Variants in ILRUN observed in about 807,000 individuals in gnomAD.
The protein encoded by ILRUN is inflammation and lipid regulator with UBA-like and NBR1-like domains, also known as protein ILRUN.
In ILRUN, 3 loss-of-function variants were observed where a neutral mutation model predicts 33.8. That is an observed-to-expected ratio of 0.09 (90% CI 0.04 to 0.23). ILRUN has a LOEUF of 0.23. Ranked by LOEUF, ILRUN falls within the 10% of genes least tolerant of loss-of-function variation. ILRUN has a pLI of 1.00. For synonymous variants in ILRUN, 124 were observed against 138.9 expected, an observed-to-expected ratio of 0.89 and a Z score of 0.75; for missense variants, 210 against 375.1, an observed-to-expected ratio of 0.56 and a Z score of 3.64.
chr6:34,662,785 C>G (rs73413811), intron 1 of ILRUN, among the ~76,000 whole-genome samples: 5,354 of 152,216 alleles, frequency 0.035, 262 homozygotes, highest in African/African-American at 0.1. Flanking sequence ...ACTTAAAAAT[C>G]GGTAAGATGG....
Position 34,646,466 on chromosome 6 carries a change from T to C in ILRUN, c.511+135A>G, listed in dbSNP as rs1316527920. 4 of 717,814 alleles carry C rather than the reference T, an allele frequency of 5.6e-6. No homozygotes were observed. In the African/African-American group the frequency reaches 7.1e-5, roughly 13 times the overall value. The allele number at this position is 717,814 out of a possible 1,614,324, so 44.5% of individuals were successfully genotyped here. ...CAATTAGTCATAAAATGCAAATCAT[T>C]TACCTGCATGAGGTGACTGTTAAAA... is the stretch of plus-strand genomic sequence containing the variant. On this transcript the variant is annotated intron_variant, in intron 3 of 4. Coordinates refer to ENST00000374023, the MANE Select transcript of ILRUN (RefSeq NM_024294.4). This position sits in a 1 kb window ranked among gnomAD's most constrained non-coding sequence, Gnocchi z 4.9.
chr6:34,683,422 A>AT (rs201879119), intron 1 of ILRUN, among the ~76,000 whole-genome samples: 2 of 76,564 alleles, frequency 2.6e-5, no homozygotes, highest in South Asian at 3.1e-4. Flanking sequence ...ATATATACAT[A>AT]TATATACATA....
At chr6:34,613,218 AC>A (rs1761798737) in intron 3 of ILRUN, among the ~76,000 whole-genome samples, 1 of 51,646 alleles carries the variant, frequency 1.9e-5, no homozygotes, top group Admixed American at 1.5e-4. Context: ...TGTCTCAAAA[AC>A]AACAACAACA....
Position 34,654,609 on chromosome 6 carries a change from C to T in ILRUN, c.313+16G>A, listed in dbSNP as rs1222181476. 1.3e-6 allele frequency: 2 copies of T among 1,589,766 alleles called. No homozygotes were observed. Among genetic ancestry groups the T allele is most frequent in the East Asian group, 2.2e-5 (1 of 44,462 alleles). ...ATGAAAACTAGGCAAGGGAGGATTGCCCATTATGTACTTACCAGAATTCTG... is the reference window on the plus strand; with the variant it reads ...ATGAAAACTAGGCAAGGGAGGATTGTCCATTATGTACTTACCAGAATTCTG... On this transcript the variant is annotated intron_variant, in intron 2 of 4. Coordinates refer to ENST00000374023, the MANE Select transcript of ILRUN (RefSeq NM_024294.4).
intron 4 of ILRUN, among the ~76,000 whole-genome samples, chr6:34,596,611 G>A (rs1335987935): frequency 1.3e-5 from 2 of 152,112 alleles, no homozygotes; most frequent in Non-Finnish European, 2.9e-5. Flanking sequence ...ACCGCACTTG[G>A]CCTGTTCAAG....
chr6:34,614,437 A>ATATATATATAT (rs1321613482), intron 3 of ILRUN, among the ~76,000 whole-genome samples: 8 of 124,608 alleles, frequency 6.4e-5, no homozygotes, highest in African/African-American at 2.9e-4. Context: ...ATAATAAAAA[A>ATATATATATAT]AAAAAAATAT....
At position 34,646,139 on chromosome 6, in the gene ILRUN, G is replaced by A. The variant is rs1440974260; in HGVS notation, c.511+462C>T. On this transcript the variant is annotated intron_variant, in intron 3 of 4. Transcript: ENST00000374023. The surrounding 1 kb of genome is among the most constrained non-coding windows in gnomAD (Gnocchi z 4.9). ...AGAGTGAATGGAAAATGTGAAAGAA[G>A]AGACAGTGAGTATAGATCACTGCTC... is the stretch of plus-strand genomic sequence containing the variant. 6.6e-6 allele frequency among the ~76,000 whole-genome samples: 1 copy of A among 152,208 alleles called. No individual in the cohort carries two copies. The highest frequency in any genetic ancestry group is 2.4e-5 in the African/African-American group (1 of 41,446).
chr6:34,678,104 G>A (rs1486320750), intron 1 of ILRUN, among the ~76,000 whole-genome samples: 2 of 152,210 alleles, frequency 1.3e-5, no homozygotes, highest in South Asian at 2.1e-4. Context: ...GTGCAGTGGT[G>A]CAATCTCAGC....
Position 34,642,037 on chromosome 6 carries a change from A to G in ILRUN, c.511+4564T>C, listed in dbSNP as rs76720033. Among the ~76,000 whole-genome samples, 26 of 152,350 alleles carry G rather than the reference A, an allele frequency of 1.7e-4. No homozygotes were observed. The East Asian group carries it at 4.2e-3, about 25-fold the overall frequency. The stretch of plus-strand genomic sequence containing the variant: ...GTTTAAAAAAAACTCCTCACTATGA[A>G]TTTTGCTAAAACTGAAGCAAGGGCA... On this transcript the variant is annotated intron_variant, in intron 3 of 4. Transcript: ENST00000374023.
intron 1 of ILRUN, among the ~76,000 whole-genome samples, chr6:34,680,398 A>AT (rs1554189316): frequency 6.6e-6 from 1 of 152,018 alleles, no homozygotes; most frequent in South Asian, 2.1e-4. Flanking sequence ...ATTATCGCTT[A>AT]TTTTTTTGTT....
At chr6:34,661,477 T>C (rs1342242319) in intron 1 of ILRUN, among the ~76,000 whole-genome samples, 2 of 152,206 alleles carry the variant, frequency 1.3e-5, no homozygotes. Flanking sequence ...AATTTGGAAC[T>C]GGAACTAAGA....
At position 34,696,692 on chromosome 6, in the gene ILRUN, C is replaced by T; in HGVS notation, c.-89G>A. 1.4e-6 allele frequency: 2 copies of T among 1,449,086 alleles called. No homozygotes were observed. The highest frequency in any genetic ancestry group is 2.5e-5 in the South Asian group (2 of 80,234). The allele number at this position is 1,449,086 out of a possible 1,614,324, so 89.8% of individuals were successfully genotyped here. ...CCGGGGACCTGGAGGGGGGCCGCTG[C>T]TAGCTAGCTTCGCGACCCCGCTCCT... On this transcript the variant is annotated 5_prime_UTR_variant, in exon 1 of 5. Transcript: ENST00000374023.
chr6:34,633,910 AGGG>A (rs1762301196), intron 3 of ILRUN, among the ~76,000 whole-genome samples: 1 of 45,112 alleles, frequency 2.2e-5, no homozygotes, highest in Admixed American at 3.0e-4. Flanking sequence ...GGAGGGAGGG[AGGG>A]AGGGAGGGAA....
chr6:34,686,814 G>A (rs900411528), intron 1 of ILRUN: 2 of 98,172 alleles, frequency 2.0e-5, no homozygotes, highest in Non-Finnish European at 4.0e-5. Context: ...AAATTAGCTG[G>A]GCGCAGTGGC....
At chr6:34,631,143 C>T (rs1762236150) in intron 3 of ILRUN, among the ~76,000 whole-genome samples, 1 of 152,174 alleles carries the variant, frequency 6.6e-6, no homozygotes, top group Non-Finnish European at 1.5e-5. Flanking sequence ...TTCAATTTCT[C>T]CAAACTGTGT....
chr6:34,590,630 G>A (rs776811029), intron 4 of ILRUN, 30 bp from the exon 5 acceptor site: 14 of 1,500,806 alleles, frequency 9.3e-6, no homozygotes, highest in Non-Finnish European at 1.2e-5. Flanking sequence ...GTCAGTGATG[G>A]TACACATAGC....
At chr6:34,653,628 G>A (rs377115250) in intron 2 of ILRUN, among the ~76,000 whole-genome samples, 1 of 152,000 alleles carries the variant, frequency 6.6e-6, no homozygotes, top group African/African-American at 2.4e-5. Context: ...ACAGGATCTC[G>A]CTACATTGCC....
chr6:34,626,169 A>AT (rs908217210), intron 3 of ILRUN, among the ~76,000 whole-genome samples: 5 of 150,902 alleles, frequency 3.3e-5, no homozygotes, highest in Admixed American at 6.6e-5. Flanking sequence ...TTTTTAACAG[A>AT]TTCCTTTTTT....
chr6:34,591,394 C>T (rs1273192334), intron 4 of ILRUN, among the ~76,000 whole-genome samples: 1 of 152,160 alleles, frequency 6.6e-6, no homozygotes, highest in Non-Finnish European at 1.5e-5. Flanking sequence ...ACTTGGGAGG[C>T]TGAAGTGGGA....
Sources: gnomAD v4.1 joint callset for allele counts (sites outside exome capture counted in the v4.1 genomes callset) on GRCh38, gnomAD v4.1.1 for gene constraint, Gnocchi (gnomAD v3.1) non-coding constraint, MANE v1.5 for transcripts, NCBI Gene and HGNC (gene_info 2026-07-23, HGNC 2026-07-21) for gene names.